WWTR1: variants seen among roughly 807,000 people sequenced by gnomAD.
WWTR1 encodes the protein WW domain containing transcription regulator 1, also known as WW domain-containing transcription regulator protein 1.
A neutral mutation model predicts 40.1 loss-of-function variants in WWTR1; 13 were observed. The observed-to-expected ratio is 0.32, with a 90% CI of 0.21 to 0.52. The LOEUF (loss-of-function observed/expected upper bound fraction) is 0.52. WWTR1 is among the 20% of genes least tolerant of loss of function. The pLI is 0.97. For missense variants in WWTR1, 436 were observed against 523.1 expected (o/e 0.83, Z 1.63); for synonymous variants, 230 against 210.1 (o/e 1.09, Z -0.82).
intron 2 of WWTR1, among the ~76,000 whole-genome samples, chr3:149,628,553 T>C (rs566739548): frequency 1.1e-4 from 17 of 152,286 alleles, no homozygotes; most frequent in African/African-American, 3.8e-4. Flanking sequence ...CCCAGCAGTA[T>C]CTTTTTCGGT....
At chr3:149,669,057 G>A (rs1330199422) in intron 2 of WWTR1, among the ~76,000 whole-genome samples, 1 of 152,128 alleles carries the variant, frequency 6.6e-6, no homozygotes, top group Non-Finnish European at 1.5e-5. Context: ...ATCACCAAAG[G>A]CCTTTGTACA....
chr3:149,579,346 G>A (rs2108009720), intron 2 of WWTR1, among the ~76,000 whole-genome samples: 1 of 152,282 alleles, frequency 6.6e-6, no homozygotes, highest in Admixed American at 6.5e-5. Flanking sequence ...AATGAGATGA[G>A]AATTTAAAGA....
intron 3 of WWTR1, among the ~76,000 whole-genome samples, chr3:149,556,829 G>A (rs1042177219): frequency 6.6e-6 from 1 of 152,082 alleles, no homozygotes; most frequent in Non-Finnish European, 1.5e-5. Flanking sequence ...ATTTGAGAAG[G>A]TGTGTCAAAA....
chr3:149,614,009 C>T (rs1462400480), intron 2 of WWTR1, among the ~76,000 whole-genome samples: 1 of 152,196 alleles, frequency 6.6e-6, no homozygotes, highest in African/African-American at 2.4e-5. Context: ...ACTTCCCTAT[C>T]CATTACTAAC....
At position 149,554,119 on chromosome 3, in the gene WWTR1, A is replaced by G. The variant is rs530884714; in HGVS notation, c.569-11582T>C. On this transcript the variant is annotated intron_variant, in intron 3 of 6. Coordinates refer to ENST00000360632, the MANE Select transcript of WWTR1 (RefSeq NM_015472.6). ...GTTCCAAAAATCTGTAAAGTATTAA[A>G]CCGAGAAGTTGTACTATCCCAACTT... Among the ~76,000 whole-genome samples, 57 of 152,286 alleles carry G rather than the reference A, an allele frequency of 3.7e-4. No individual in the cohort carries two copies. In the South Asian group the frequency reaches 6.0e-3, roughly 16 times the overall value.
rs1715754968 is a variant in WWTR1 at position 149,721,379 on chromosome 3, A to G, written n.459+2701T>C. 3.9e-5 allele frequency among the ~76,000 whole-genome samples: 6 copies of G among 152,304 alleles called. No individual in the cohort carries two copies. The South Asian group carries it at 1.2e-3, about 32-fold the overall frequency. ...GATGATCATGTGGCTTTCTCCCTTC[A>G]TTCTGTTAATGTGGTGTATTACATT... is the stretch of plus-strand genomic sequence containing the variant. On this transcript the variant is annotated intron_variant and non_coding_transcript_variant, in intron 4 of 6. Transcript: ENST00000474080.
intron 5 of WWTR1, among the ~76,000 whole-genome samples, chr3:149,717,202 G>A (rs1199238021): frequency 6.6e-6 from 1 of 152,004 alleles, no homozygotes; most frequent in Non-Finnish European, 1.5e-5. Flanking sequence ...GCAATTATAT[G>A]GTGCTTCTTT....
In WWTR1 at chr3:149,562,600, GACACACACACACACACACACACACAC is replaced by G. The variant is rs60366789; in HGVS notation, c.568+10238_568+10263del. Among the ~76,000 whole-genome samples, 2 of 135,882 alleles carry G rather than the reference GACACACACACACACACACACACACAC, an allele frequency of 1.5e-5. 1 individual carries two copies. The highest frequency in any genetic ancestry group is 5.1e-4 in the South Asian group (2 of 3,920). 89.1% of individuals were successfully genotyped at this position (135,882 alleles called of 152,430 possible). ...TTTTTTTTTTCTGCCTTAAAATACA[GACACACACACACACACACACACACAC>G]ACACACACACACACACACACAAAGG... is the stretch of plus-strand genomic sequence containing the variant. On this transcript the variant is annotated intron_variant, in intron 3 of 6. Transcript: ENST00000360632.
intron 1 of WWTR1, among the ~76,000 whole-genome samples, chr3:149,697,688 G>A (rs1715038980): frequency 6.6e-6 from 1 of 152,134 alleles, no homozygotes; most frequent in African/African-American, 2.4e-5. Context: ...CTTTGTAATA[G>A]TCCCCTAAAG....
At position 149,605,784 on chromosome 3, in the gene WWTR1, C is replaced by T. The variant is rs1182663939; in HGVS notation, c.432-32784G>A. 2.6e-5 allele frequency among the ~76,000 whole-genome samples: 4 copies of T among 152,078 alleles called. No homozygotes were observed. In the East Asian group the frequency reaches 7.7e-4, roughly 29 times the overall value. On this transcript the variant is annotated intron_variant, in intron 2 of 6. Transcript: ENST00000360632. ...CCACCCCATGAAGCTGCTTTCTTAC[C>T]ACTAGTTAACATTCTGAAGTCCTCT...
chr3:149,630,645 G>A (rs867841627), intron 2 of WWTR1, among the ~76,000 whole-genome samples: 37 of 152,302 alleles, frequency 2.4e-4, no homozygotes, highest in Middle Eastern at 6.8e-3. Flanking sequence ...GTAAACAAGA[G>A]TTTGCATATA....
intron 1 of WWTR1, among the ~76,000 whole-genome samples, chr3:149,672,643 A>ACTATTTT (rs1339665009): frequency 6.6e-6 from 1 of 152,142 alleles, no homozygotes; most frequent in African/African-American, 2.4e-5. Context: ...GATGAATGGG[A>ACTATTTT]CTATTTTCAA....
At chr3:149,630,563 G>C (rs1560093895) in intron 2 of WWTR1, among the ~76,000 whole-genome samples, 1 of 152,160 alleles carries the variant, frequency 6.6e-6, no homozygotes, top group Non-Finnish European at 1.5e-5. Flanking sequence ...GTACCTTCTA[G>C]GCAGAAATAG....
chr3:149,598,841 G>C (rs185120440), intron 2 of WWTR1, among the ~76,000 whole-genome samples: 363 of 152,154 alleles, frequency 2.4e-3, no homozygotes, highest in African/African-American at 8.3e-3. Context: ...CTTTAGGCTA[G>C]AGCCCCAGAA....
chr3:149,558,941 A>G (rs6766575), intron 3 of WWTR1, among the ~76,000 whole-genome samples: 7,594 of 152,298 alleles, frequency 0.05, 471 homozygotes, highest in East Asian at 0.15. Flanking sequence ...GGGCTATTAG[A>G]TAAGAGTATT....
At chr3:149,651,829 C>CTTTT (rs764013293) in intron 2 of WWTR1, among the ~76,000 whole-genome samples, 2 of 117,996 alleles carry the variant, frequency 1.7e-5, no homozygotes, top group African/African-American at 3.2e-5. Flanking sequence ...TATGGATTTT[C>CTTTT]TTTTTTTTTT....
At chr3:149,640,871 G>C (rs1712132249) in intron 2 of WWTR1, among the ~76,000 whole-genome samples, 1 of 152,068 alleles carries the variant, frequency 6.6e-6, no homozygotes, top group South Asian at 2.1e-4. Flanking sequence ...TGTCATTTGT[G>C]GTTGCTTTAT....
In WWTR1 at chr3:149,657,398, G is replaced by A. The variant is rs1713314503; in HGVS notation, c.-3-89C>T. 5 of 1,397,048 alleles carry A rather than the reference G, an allele frequency of 3.6e-6. No individual in the cohort carries two copies. In the Admixed American group the frequency reaches 1.0e-4, roughly 28 times the overall value. The allele number at this position is 1,397,048 out of a possible 1,614,324, so 86.5% of individuals were successfully genotyped here. A position where few individuals can be genotyped will look rare whatever the true frequency, so the allele number is the denominator to read the frequency against. On this transcript the variant is annotated intron_variant, in intron 1 of 6. Coordinates refer to ENST00000360632, the MANE Select transcript of WWTR1 (RefSeq NM_015472.6). ...AGGGTGAGAGGGCGAGATGGTGGGA[G>A]AAAGAATAGAGGGAAAAGGAAACGA...
intron 3 of WWTR1, among the ~76,000 whole-genome samples, chr3:149,570,917 A>G (rs1246589540): frequency 6.6e-6 from 1 of 152,216 alleles, no homozygotes; most frequent in Non-Finnish European, 1.5e-5. Context: ...TTTGTATGCT[A>G]GCAACACACT....
Sources: allele counts gnomAD v4.1 joint callset (sites outside exome capture counted in the v4.1 genomes callset), GRCh38; gene constraint gnomAD v4.1.1; transcripts MANE v1.5; gene names NCBI Gene and HGNC (gene_info 2026-07-23, HGNC 2026-07-21).